CNTLN: variants seen among roughly 807,000 people sequenced by gnomAD.
The protein encoded by CNTLN is centlein, centrosomal protein.
A neutral mutation model predicts 180.0 loss-of-function variants in CNTLN; 212 were observed. The ratio of observed to expected loss-of-function variants is 1.18; its 90% CI spans 1.05 to 1.32. CNTLN has a LOEUF of 1.32. CNTLN is among the 40% of genes most tolerant of loss of function. The pLI, the probability that CNTLN is intolerant of heterozygous loss-of-function variation, is 0.00. For synonymous variants in CNTLN, 722 were observed against 563.1 expected (o/e 1.28, Z -3.99); for missense variants, 2,095 against 1,610.9 (o/e 1.30, Z -5.14).
intron 18 of CNTLN, among the ~76,000 whole-genome samples, chr9:17,423,166 T>C (rs111508741): frequency 0.03 from 4,567 of 152,264 alleles, 224 homozygotes; most frequent in African/African-American, 0.1. Context: ...GCTAGGTCAC[T>C]CCTGAAGCTA....
At chr9:17,430,368 T>C (rs1269784908) in intron 18 of CNTLN, among the ~76,000 whole-genome samples, 1 of 152,046 alleles carries the variant, frequency 6.6e-6, no homozygotes, top group Admixed American at 6.6e-5. Context: ...TCATACTATT[T>C]GAAAACTCTC....
rs1587853744 is a variant in CNTLN at position 17,388,193 on chromosome 9, G to A, written c.2019G>A (p.Glu673=). The A allele has an allele frequency of 1.2e-6, 2 of 1,611,932 alleles. No homozygotes were observed. The highest frequency in any genetic ancestry group is 2.7e-5 in the African/African-American group (2 of 74,846). ...TCTTTAGATCTGGTGAAGATGATGA[G>A]GTCAAGAGGAGTACTCCAGAGAAGA... is the stretch of plus-strand genomic sequence containing the variant. ...EQLFRSGEDD[E]VKRSTPEKNG... Residue 673 remains glutamate, a synonymous_variant, in exon 14 of 26, where the codon GAG becomes GAA. Coordinates refer to ENST00000380647, the MANE Select transcript of CNTLN (RefSeq NM_017738.4).
chr9:17,458,774 A>T (rs10756880), intron 19 of CNTLN, among the ~76,000 whole-genome samples: 2 of 151,670 alleles, frequency 1.3e-5, no homozygotes, highest in Admixed American at 6.6e-5. Context: ...CATCTTCTTT[A>T]GTCAATTTAT....
chr9:17,480,604 A>G (rs1267099495), intron 23 of CNTLN, among the ~76,000 whole-genome samples: 1 of 152,222 alleles, frequency 6.6e-6, no homozygotes, highest in Non-Finnish European at 1.5e-5. Flanking sequence ...CACAGAAACT[A>G]CTGACATCTT....
chr9:17,164,179 T>A (rs1819884694), intron 2 of CNTLN, among the ~76,000 whole-genome samples: 2 of 151,166 alleles, frequency 1.3e-5, no homozygotes, highest in African/African-American at 4.9e-5. Flanking sequence ...TGGCATGGTG[T>A]CGCGTGCCTG....
downstream of CNTLN, among the ~76,000 whole-genome samples, chr9:17,504,097 A>G (rs1326916283): frequency 4.6e-5 from 1 of 21,676 alleles, no homozygotes; most frequent in Non-Finnish European, 4.4e-4. Context: ...GCCTTACTGC[A>G]ATTAAAAAAA....
At chr9:17,261,943 G>C (rs1476493617) in intron 5 of CNTLN, among the ~76,000 whole-genome samples, 2 of 151,568 alleles carry the variant, frequency 1.3e-5, no homozygotes, top group Non-Finnish European at 2.9e-5. Context: ...TCCTTCAAAA[G>C]TGGACATTTA....
chr9:17,465,891 C>T, intron 21 of CNTLN, 90 bp from the exon 22 acceptor site: 1 of 893,178 alleles, frequency 1.1e-6, no homozygotes, highest in Non-Finnish European at 1.7e-6. Flanking sequence ...GAAGTAGACT[C>T]ATTCACTCAT....
intron 7 of CNTLN, among the ~76,000 whole-genome samples, chr9:17,304,092 C>G (rs1818546996): frequency 1.3e-5 from 2 of 151,924 alleles, no homozygotes; most frequent in Non-Finnish European, 2.9e-5. Context: ...AAGATGAAAA[C>G]AGTTGTCCCA....
chr9:17,513,866 A>G, the CNTLN span, among the ~76,000 whole-genome samples: 1 of 152,248 alleles, frequency 6.6e-6, no homozygotes, highest in Non-Finnish European at 1.5e-5. Flanking sequence ...AGTTAAGGAT[A>G]AAAGAGAAAA....
At chr9:17,292,550 A>G (rs1374424486) in intron 6 of CNTLN, among the ~76,000 whole-genome samples, 1 of 152,084 alleles carries the variant, frequency 6.6e-6, no homozygotes, top group East Asian at 1.9e-4. Flanking sequence ...TCAGCAAGAT[A>G]GGCTTTAAGC....
intron 25 of CNTLN, among the ~76,000 whole-genome samples, chr9:17,495,465 T>TA (rs1361871758): frequency 3.3e-5 from 5 of 151,880 alleles, no homozygotes; most frequent in African/African-American, 1.2e-4. Context: ...CGTTTAAAAA[T>TA]AAAAAAATAC....
intron 7 of CNTLN, chr9:17,301,250 G>T: frequency 1.0e-6 from 1 of 985,358 alleles, no homozygotes; most frequent in Non-Finnish European, 1.2e-6. Context: ...CCTATTTGGC[G>T]AACTTGCCGT....
intron 25 of CNTLN, 48 bp downstream of exon 25, chr9:17,487,114 C>A: frequency 7.9e-7 from 1 of 1,266,416 alleles, no homozygotes; most frequent in Non-Finnish European, 1.1e-6. Context: ...ATAAGAATTC[C>A]AAGCCTTACA....
intron 14 of CNTLN, among the ~76,000 whole-genome samples, chr9:17,391,263 C>A (rs919962951): frequency 6.6e-6 from 1 of 152,128 alleles, no homozygotes. Context: ...TAGGACAGGA[C>A]CCCTCTGGAA....
At chr9:17,366,358 G>T (rs1823818145) in intron 12 of CNTLN, among the ~76,000 whole-genome samples, 1 of 151,916 alleles carries the variant, frequency 6.6e-6, no homozygotes, top group African/African-American at 2.4e-5. Flanking sequence ...TGCCCAGGCT[G>T]GTCTTGAACT....
At chr9:17,270,516 T>C (rs1423622404) in intron 5 of CNTLN, among the ~76,000 whole-genome samples, 1 of 152,190 alleles carries the variant, frequency 6.6e-6, no homozygotes, top group Non-Finnish European at 1.5e-5. Context: ...TTATTTTGGA[T>C]TTTTGCATCT....
intron 2 of CNTLN, among the ~76,000 whole-genome samples, chr9:17,217,239 C>T (rs1293674075): frequency 6.6e-6 from 1 of 152,116 alleles, no homozygotes; most frequent in Non-Finnish European, 1.5e-5. Context: ...GGTACAGAAA[C>T]ATAGCTTTTG....
intron 5 of CNTLN, among the ~76,000 whole-genome samples, chr9:17,263,571 C>G (rs1488488434): frequency 1.3e-5 from 2 of 151,154 alleles, no homozygotes; most frequent in African/African-American, 4.9e-5. Context: ...AATGGGATGG[C>G]TGGGTCAAAT....
Sources: gnomAD v4.1 joint callset for allele counts (sites outside exome capture counted in the v4.1 genomes callset) on GRCh38, gnomAD v4.1.1 for gene constraint, MANE v1.5 for transcripts, NCBI Gene and HGNC (gene_info 2026-07-23, HGNC 2026-07-21) for gene names.